The following FLYWCH1 variants were observed in gnomAD, a reference collection of about 807,000 sequenced individuals.
FLYWCH1 encodes the protein FLYWCH-type zinc finger-containing protein 1.
Under a neutral mutation model 66.4 loss-of-function variants are expected in FLYWCH1, and 75 were observed. The ratio of observed to expected loss-of-function variants is 1.13; its 90% CI spans 0.94 to 1.37. FLYWCH1 has a LOEUF of 1.37. Among genes scored for constraint, FLYWCH1 ranks in the 40% most tolerant of loss-of-function variants. The probability of loss-of-function intolerance (pLI) is 0.00; values close to 1 mark genes in which losing one functional copy is unlikely to be tolerated. For synonymous variants in FLYWCH1, 595 were observed against 429.9 expected (o/e 1.38, Z -4.75); for missense variants, 1,334 against 1,001.8 (o/e 1.33, Z -4.48).
rs58762278 is a variant in FLYWCH1 at position 2,934,946 on chromosome 16, C to T, written c.1513+967C>T. 6.5e-3 allele frequency: 1,019 copies of T among 157,802 alleles called. 16 individuals carry two copies. The highest frequency in any genetic ancestry group is 0.028 in the African/African-American group (947 of 34,302). 9.8% of individuals were successfully genotyped at this position (157,802 alleles called of 1,614,324 possible). A position where few individuals can be genotyped will look rare whatever the true frequency, so the allele number is the denominator to read the frequency against. On this transcript the variant is annotated intron_variant, in intron 6 of 9. Coordinates refer to ENST00000253928, the MANE Select transcript of FLYWCH1 (RefSeq NM_001308068.2). ...TTTTTTTTTTTTTTTTTCTTTGAGA[C>T]GGAGTCTTGCTTTATCACCCAGGCT...
At position 2,930,550 on chromosome 16, in the gene FLYWCH1, CG is replaced by C. The variant is rs2070725298; in HGVS notation, c.470del (p.Gly157AlafsTer12). On this transcript the variant is annotated frameshift_variant, in exon 4 of 10. Coordinates refer to ENST00000253928, the MANE Select transcript of FLYWCH1 (RefSeq NM_001308068.2). LOFTEE classifies it high-confidence loss of function. ...CCGCCAACATGCTGAGCTGGGCTGC[CG>C]GGGCCGGGCCATCACCCGAGGCCTG... is the stretch of plus-strand genomic sequence containing the variant. ...KCRQHAELGCRGRAITRGLRA... is the reference protein window; with the variant it reads ...KCRQHAELGCXGRAITRGLRA... The C allele has an allele frequency of 3.2e-6, 5 of 1,549,658 alleles. No homozygotes were observed. Among genetic ancestry groups the C allele is most frequent in the Non-Finnish European group, 4.3e-6 (5 of 1,151,370 alleles).
chr16:2,937,467 G>A (rs1478610260), intron 7 of FLYWCH1, 83 bp downstream of exon 7: 1 of 1,415,412 alleles, frequency 7.1e-7, no homozygotes, highest in Admixed American at 2.7e-5. Flanking sequence ...TGCCCGTGGG[G>A]TGTTGTGTGT....
chr16:2,925,800 G>A (rs996604821), intron 2 of FLYWCH1, among the ~76,000 whole-genome samples: 2 of 152,152 alleles, frequency 1.3e-5, no homozygotes, highest in African/African-American at 2.4e-5. Flanking sequence ...CCTGGGGACC[G>A]GGCCTTAATG....
intron 2 of FLYWCH1, among the ~76,000 whole-genome samples, chr16:2,918,288 C>T (rs889194631): frequency 1.3e-5 from 2 of 151,890 alleles, no homozygotes; most frequent in Non-Finnish European, 2.9e-5. Flanking sequence ...GCTGGGACTA[C>T]AGGCGGCCGC....
intron 4 of FLYWCH1, among the ~76,000 whole-genome samples, chr16:2,932,657 C>T (rs2070808451): frequency 6.6e-6 from 1 of 152,064 alleles, no homozygotes; most frequent in Admixed American, 6.6e-5. Flanking sequence ...CTTTTCGAAC[C>T]ATTTGAATGT....
Position 2,936,893 on chromosome 16 carries a change from G to T in FLYWCH1, c.1514-228G>T, listed in dbSNP as rs113530410. On this transcript the variant is annotated intron_variant, in intron 6 of 9. Transcript: ENST00000253928. ...GCATGGCAAGGTGGGACGCTTGGCC[G>T]CCACCTGCAGGGGCCTCACCTGACC... is the stretch of plus-strand genomic sequence containing the variant. 0.053 allele frequency: 34,662 copies of T among 657,384 alleles called. 1,116 individuals are homozygous for T. Among genetic ancestry groups the T allele is most frequent in the Middle Eastern group, 0.1 (409 of 4,062 alleles). The allele number at this position is 657,384 out of a possible 1,614,324, so 40.7% of individuals were successfully genotyped here.
intron 9 of FLYWCH1, among the ~76,000 whole-genome samples, chr16:2,945,955 A>C (rs888504806): frequency 4.0e-5 from 6 of 151,752 alleles, no homozygotes; most frequent in South Asian, 2.1e-4. Context: ...CGAGATTGCG[A>C]CACTGCACTC....
At chr16:2,941,823 C>G (rs11076990) in intron 9 of FLYWCH1, among the ~76,000 whole-genome samples, 42,495 of 151,450 alleles carry the variant, frequency 0.28, 6,127 homozygotes, top group Admixed American at 0.3. Context: ...GGGTTCAAGA[C>G]CAGCCTGACC....
chr16:2,936,293 C>T (rs1312887607), intron 6 of FLYWCH1: 2 of 410,930 alleles, frequency 4.9e-6, no homozygotes, highest in Non-Finnish European at 9.8e-6. Flanking sequence ...CCTGGCGTCC[C>T]CACCTTCGTC....
intron 7 of FLYWCH1, 76 bp from the exon 8 acceptor site, chr16:2,938,108 G>C (rs746353117): frequency 8.4e-6 from 12 of 1,436,788 alleles, no homozygotes; most frequent in Non-Finnish European, 8.5e-6. Context: ...GGCCTGGCTG[G>C]GGGATACAAA....
intron 2 of FLYWCH1, among the ~76,000 whole-genome samples, chr16:2,920,470 C>T (rs544976294): frequency 4.0e-5 from 6 of 150,966 alleles, no homozygotes; most frequent in East Asian, 2.0e-4. Context: ...GCTAAGATTA[C>T]GCCATTGCAC....
At chr16:2,945,485 C>T (rs1171597371) in intron 9 of FLYWCH1, among the ~76,000 whole-genome samples, 2 of 87,928 alleles carry the variant, frequency 2.3e-5, no homozygotes, top group Non-Finnish European at 4.4e-5. Flanking sequence ...GACTCCATCT[C>T]AAAAAAAAAA....
intron 2 of FLYWCH1, chr16:2,923,193 A>T: frequency 2.8e-6 from 1 of 357,100 alleles, no homozygotes; most frequent in Non-Finnish European, 5.4e-6. Flanking sequence ...TCAGCTTTAC[A>T]AGGGGCAGGA....
intron 2 of FLYWCH1, chr16:2,922,918 G>A (rs74005524): frequency 1.9e-5 from 10 of 523,274 alleles, no homozygotes; most frequent in African/African-American, 5.8e-5. Flanking sequence ...GGTCAAGCTC[G>A]TTTCTCCTGG....
chr16:2,942,343 T>TTCC (rs2071303046), intron 9 of FLYWCH1, among the ~76,000 whole-genome samples: 1 of 151,952 alleles, frequency 6.6e-6, no homozygotes, highest in African/African-American at 2.4e-5. Context: ...AAACGGGGTT[T>TTCC]TCCCATGTTG....
Position 2,948,713 on chromosome 16 carries a change from G to A in FLYWCH1, c.2137G>A (p.Gly713Ser), listed in dbSNP as rs1264380575. ...YGDIKDVRLD[G>S]ESQ ...GGACATCAAAGACGTCAGACTGGAT[G>A]GCGAGTCCCAGTGAGGCGATGTGGG... The change falls in exon 10 of 10, where the codon GGC becomes AGC. Residue 713 changes from glycine (G) to serine (S), a missense_variant. Coordinates refer to ENST00000253928, the MANE Select transcript of FLYWCH1 (RefSeq NM_001308068.2). The A allele has an allele frequency of 1.5e-5, 24 of 1,613,952 alleles. No individual in the cohort carries two copies. The highest frequency in any genetic ancestry group is 1.9e-5 in the Non-Finnish European group (23 of 1,179,824).
intron 2 of FLYWCH1, among the ~76,000 whole-genome samples, chr16:2,925,584 G>GT (rs1290228873): frequency 5.7e-5 from 8 of 141,382 alleles, no homozygotes; most frequent in Admixed American, 4.2e-4. Context: ...CGGGGGGAGG[G>GT]GGGTACGGGG....
At chr16:2,915,108 A>C (rs1899077823) in intron 2 of FLYWCH1, 1 of 151,266 alleles carries the variant, frequency 6.6e-6, no homozygotes, top group Non-Finnish European at 1.5e-5. Flanking sequence ...TAAATGTATT[A>C]AAATATACTC....
chr16:2,939,244 G>A (rs762815436), intron 8 of FLYWCH1, among the ~76,000 whole-genome samples: 19 of 152,092 alleles, frequency 1.2e-4, no homozygotes, highest in Non-Finnish European at 2.1e-4. Context: ...TCAGGAGTTC[G>A]AGACCATCCT....
Sources: allele counts gnomAD v4.1 joint callset (sites outside exome capture counted in the v4.1 genomes callset), GRCh38; gene constraint gnomAD v4.1.1; transcripts MANE v1.5; gene names NCBI Gene and HGNC (gene_info 2026-07-23, HGNC 2026-07-21).